COL8A1: variants seen among roughly 807,000 people sequenced by gnomAD.
The protein encoded by COL8A1 is collagen type VIII alpha 1 chain, also known as collagen alpha-1(VIII) chain.
A neutral mutation model predicts 42.7 loss-of-function variants in COL8A1; 21 were observed. The ratio of observed to expected loss-of-function variants is 0.49; its 90% CI spans 0.35 to 0.71. The LOEUF is 0.71. Among genes scored for constraint, COL8A1 ranks in the 30% least tolerant of loss-of-function variants. The probability of loss-of-function intolerance (pLI) is 0.01; values close to 1 mark genes in which losing one functional copy is unlikely to be tolerated. For synonymous variants in COL8A1, 367 were observed against 369.1 expected (o/e 0.99, Z 0.06); for missense variants, 788 against 962.4 (o/e 0.82, Z 2.40).
chr3:99,671,458 C>T (rs543072043), intron 1 of COL8A1, among the ~76,000 whole-genome samples: 4 of 151,990 alleles, frequency 2.6e-5, no homozygotes, highest in African/African-American at 9.6e-5. Flanking sequence ...TATTCATTAC[C>T]TCATATTTTT....
intron 1 of COL8A1, among the ~76,000 whole-genome samples, chr3:99,667,798 A>G (rs1559772699): frequency 2.0e-5 from 3 of 152,156 alleles, no homozygotes; most frequent in South Asian, 2.1e-4. Flanking sequence ...CAAGTCTTAC[A>G]TAAAAGAAAA....
intron 1 of COL8A1, among the ~76,000 whole-genome samples, chr3:99,724,934 G>A (rs905454931): frequency 8.5e-5 from 13 of 152,056 alleles, no homozygotes; most frequent in Non-Finnish European, 1.6e-4. Context: ...CTATGTGTGT[G>A]TAATAGTCAA....
chr3:99,745,544 G>A (rs34218799), intron 2 of COL8A1, among the ~76,000 whole-genome samples: 1 of 151,776 alleles, frequency 6.6e-6, no homozygotes, highest in Non-Finnish European at 1.5e-5. Context: ...CTTAATTGGG[G>A]CAACTTTTTT....
intron 1 of COL8A1, among the ~76,000 whole-genome samples, chr3:99,693,840 C>T (rs1476613502): frequency 6.6e-6 from 1 of 152,228 alleles, no homozygotes; most frequent in Non-Finnish European, 1.5e-5. Context: ...CACTCACTCA[C>T]TGACTCACCC....
chr3:99,772,515 AG>A (rs1459196954), intron 2 of COL8A1, among the ~76,000 whole-genome samples: 3 of 152,218 alleles, frequency 2.0e-5, no homozygotes, highest in African/African-American at 7.2e-5. Context: ...ATTGCGGAGC[AG>A]GATGTTCATA....
rs566141450 is a variant in COL8A1, at chr3:99,731,689, G to C, written c.-128-13208G>C. 4.6e-5 allele frequency among the ~76,000 whole-genome samples: 7 copies of C among 152,258 alleles called. No homozygotes were observed. The East Asian group carries it at 1.4e-3, about 29-fold the overall frequency. On this transcript the variant is annotated intron_variant, in intron 1 of 3. Coordinates refer to ENST00000652472, the MANE Select transcript of COL8A1 (RefSeq NM_020351.4). ...GCAACCACTGAAGGGATGTAAGCAA[G>C]AAAACTGACTCATTTGTTTTGGTTT...
At chr3:99,704,224 T>C (rs1016560723) in intron 1 of COL8A1, among the ~76,000 whole-genome samples, 32 of 152,118 alleles carry the variant, frequency 2.1e-4, no homozygotes, top group Admixed American at 1.9e-3. Context: ...TTTTTAAAGA[T>C]TGTCTAAAAA....
At chr3:99,728,589 A>T (rs1471288277) in intron 1 of COL8A1, among the ~76,000 whole-genome samples, 3 of 152,046 alleles carry the variant, frequency 2.0e-5, no homozygotes, top group African/African-American at 7.2e-5. Flanking sequence ...CTCAGGAAAA[A>T]CTAAGTCAAA....
At chr3:99,709,321 T>C (rs1211682420) in intron 1 of COL8A1, among the ~76,000 whole-genome samples, 1 of 152,148 alleles carries the variant, frequency 6.6e-6, no homozygotes, top group Non-Finnish European at 1.5e-5. Flanking sequence ...ACGTCTGCTC[T>C]ATACTGAGTT....
At chr3:99,668,313 G>A (rs1938428339) in intron 1 of COL8A1, among the ~76,000 whole-genome samples, 1 of 152,058 alleles carries the variant, frequency 6.6e-6, no homozygotes, top group African/African-American at 2.4e-5. Context: ...GTCATCAAAT[G>A]CCCTTTTAAA....
intron 1 of COL8A1, among the ~76,000 whole-genome samples, chr3:99,662,245 G>A (rs780135982): frequency 5.3e-5 from 8 of 152,148 alleles, no homozygotes; most frequent in Non-Finnish European, 8.8e-5. Context: ...AGCCAGGCGT[G>A]GTGGTGAGTG....
intron 1 of COL8A1, among the ~76,000 whole-genome samples, chr3:99,736,316 G>A (rs1053485188): frequency 2.0e-5 from 3 of 152,078 alleles, no homozygotes; most frequent in African/African-American, 7.2e-5. Context: ...TCTACACACT[G>A]CTTTGAATGC....
At chr3:99,740,549 C>G (rs1940869722) in intron 1 of COL8A1, among the ~76,000 whole-genome samples, 1 of 152,142 alleles carries the variant, frequency 6.6e-6, no homozygotes, top group East Asian at 1.9e-4. Context: ...TCTTACAAAA[C>G]CATCAGATCC....
intron 2 of COL8A1, among the ~76,000 whole-genome samples, chr3:99,762,486 G>T (rs777430730): frequency 2.0e-5 from 3 of 152,162 alleles, no homozygotes; most frequent in Non-Finnish European, 4.4e-5. Context: ...AGACTCTTTG[G>T]AGTTCTGAAT....
At chr3:99,661,789 G>A (rs1272128749) in intron 1 of COL8A1, among the ~76,000 whole-genome samples, 5 of 152,070 alleles carry the variant, frequency 3.3e-5, no homozygotes, top group East Asian at 1.9e-4. Flanking sequence ...TTATTCAACC[G>A]AAGAAAGGAA....
chr3:99,647,635 C>T (rs1259142216), intron 1 of COL8A1, among the ~76,000 whole-genome samples: 1 of 152,156 alleles, frequency 6.6e-6, no homozygotes, highest in Non-Finnish European at 1.5e-5. Context: ...GTTCAATAAA[C>T]AAGGAGCCTA....
At chr3:99,667,187 A>G (rs544556558) in intron 1 of COL8A1, among the ~76,000 whole-genome samples, 1 of 152,140 alleles carries the variant, frequency 6.6e-6, no homozygotes, top group Non-Finnish European at 1.5e-5. Context: ...TTTCCTATCA[A>G]ATGAGCTCTG....
intron 2 of COL8A1, among the ~76,000 whole-genome samples, chr3:99,769,388 T>A (rs793479): frequency 6.6e-6 from 1 of 152,062 alleles, no homozygotes; most frequent in African/African-American, 2.4e-5. Flanking sequence ...TGTTGATAAG[T>A]GCAGACATTC....
At chr3:99,709,874 G>A (rs923345287) in intron 1 of COL8A1, among the ~76,000 whole-genome samples, 1 of 152,184 alleles carries the variant, frequency 6.6e-6, no homozygotes, top group Non-Finnish European at 1.5e-5. Flanking sequence ...TACAGCTAAA[G>A]AGAGATAGTG....
Sources: gnomAD v4.1 joint callset for allele counts (sites outside exome capture counted in the v4.1 genomes callset) on GRCh38, gnomAD v4.1.1 for gene constraint, MANE v1.5 for transcripts, NCBI Gene and HGNC (gene_info 2026-07-23, HGNC 2026-07-21) for gene names.